The following PAM variants were observed in gnomAD, a reference collection of about 807,000 sequenced individuals.
The protein encoded by PAM is peptidyl-glycine alpha-amidating monooxygenase.
A neutral mutation model predicts 122.1 loss-of-function variants in PAM; 72 were observed. The observed-to-expected ratio is 0.59, with a 90% CI of 0.49 to 0.72. The LOEUF (loss-of-function observed/expected upper bound fraction) is 0.72. PAM is among the 30% of genes least tolerant of loss of function. The pLI is 0.00. For missense variants in PAM, 1,106 were observed against 1,183.7 expected (o/e 0.93, Z 0.96); for synonymous variants, 389 against 404.4 (o/e 0.96, Z 0.46).
At chr5:102,960,704 A>C (rs942714649) in intron 13 of PAM, among the ~76,000 whole-genome samples, 1 of 151,862 alleles carries the variant, frequency 6.6e-6, no homozygotes, top group Non-Finnish European at 1.5e-5. Flanking sequence ...GTTCAGTCTT[A>C]ACACGCTAGA....
intron 1 of PAM, among the ~76,000 whole-genome samples, chr5:102,827,535 T>C (rs1321634166): frequency 6.6e-6 from 1 of 152,230 alleles, no homozygotes; most frequent in East Asian, 1.9e-4. Context: ...TGTTAAAATA[T>C]TCTTACTTTA....
Position 102,948,233 on chromosome 5 carries a change from G to A in PAM, c.576-145G>A, listed in dbSNP as rs143408776. 7.7e-3 allele frequency: 4,088 copies of A among 531,074 alleles called. 24 individuals are homozygous for A. Among genetic ancestry groups the A allele is most frequent in the Non-Finnish European group, 0.012 (3,517 of 291,504 alleles). The allele number at this position is 531,074 out of a possible 1,614,324, so 32.9% of individuals were successfully genotyped here. ...TTCACATGAAAAAGTATTTTTTAAG[G>A]AAGAAAAATTTTTCCTCTTTTTCTA... On this transcript the variant is annotated intron_variant, in intron 8 of 25. Transcript: ENST00000438793.
At chr5:102,891,644 T>C (rs1448499750) in intron 3 of PAM, among the ~76,000 whole-genome samples, 1 of 151,870 alleles carries the variant, frequency 6.6e-6, no homozygotes, top group South Asian at 2.1e-4. Context: ...TAACTTAGAA[T>C]TGAATTGGCT....
chr5:102,863,732 T>C, intron 1 of PAM, among the ~76,000 whole-genome samples: 1 of 151,094 alleles, frequency 6.6e-6, no homozygotes, highest in East Asian at 1.9e-4. Context: ...AAAATTTGAT[T>C]ATTATATGTT....
chr5:102,970,087 T>A (rs1027917644), intron 14 of PAM, among the ~76,000 whole-genome samples: 3 of 152,084 alleles, frequency 2.0e-5, no homozygotes, highest in Non-Finnish European at 4.4e-5. Flanking sequence ...CTATTAGCAT[T>A]GGCAATTAGG....
intron 3 of PAM, among the ~76,000 whole-genome samples, chr5:102,875,401 C>T (rs139993522): frequency 7.6e-4 from 115 of 152,062 alleles, no homozygotes; most frequent in African/African-American, 2.6e-3. Context: ...GCTGTGTTTC[C>T]CAGGCTGGTA....
intron 15 of PAM, among the ~76,000 whole-genome samples, chr5:102,980,765 TC>T (rs1368674123): frequency 2.6e-5 from 4 of 152,168 alleles, no homozygotes; most frequent in African/African-American, 7.2e-5. Flanking sequence ...TCTTTAACTA[TC>T]CTAGAATTTC....
intron 1 of PAM, among the ~76,000 whole-genome samples, chr5:102,762,522 G>C (rs1752635361): frequency 6.6e-6 from 1 of 152,022 alleles, no homozygotes; most frequent in Non-Finnish European, 1.5e-5. Flanking sequence ...AGCAATATTA[G>C]ATTTTTTTTT....
intron 1 of PAM, among the ~76,000 whole-genome samples, chr5:102,862,666 C>G (rs1176375473): frequency 6.6e-6 from 1 of 152,152 alleles, no homozygotes; most frequent in Non-Finnish European, 1.5e-5. Flanking sequence ...ATATTTGTTG[C>G]AACAACAATA....
intron 5 of PAM, among the ~76,000 whole-genome samples, chr5:102,916,795 C>T (rs547051646): frequency 5.4e-5 from 8 of 149,530 alleles, no homozygotes; most frequent in Non-Finnish European, 8.9e-5. Context: ...TGCAGTGGTG[C>T]GATCTCAGCT....
intron 15 of PAM, among the ~76,000 whole-genome samples, chr5:102,980,921 G>A (rs1386650677): frequency 1.3e-5 from 2 of 152,108 alleles, no homozygotes; most frequent in African/African-American, 4.8e-5. Context: ...GTTGCTCATG[G>A]TGTTAGACTT....
At chr5:103,004,098 G>T (rs1778212468) in intron 17 of PAM, among the ~76,000 whole-genome samples, 1 of 152,198 alleles carries the variant, frequency 6.6e-6, no homozygotes, top group Non-Finnish European at 1.5e-5. Context: ...GGGAAAGCTA[G>T]CTTCTTCGCA....
At position 102,974,440 on chromosome 5, in the gene PAM, CG is replaced by C; in HGVS notation, c.1483+5del. On this transcript the variant is annotated splice_donor_5th_base_variant and intron_variant, in intron 15 of 25. Transcript: ENST00000438793. ...TGGGAACCAGAACACACAGGAGGTG[CG>C]TGTAGGGTTTCTTTTAAGCAGTAAA... The C allele has an allele frequency of 6.3e-7, 1 of 1,591,666 alleles. No individual in the cohort carries two copies. Among genetic ancestry groups the C allele is most frequent in the Middle Eastern group, 1.7e-4 (1 of 5,918 alleles).
chr5:102,842,344 A>G (rs528549878), intron 1 of PAM, among the ~76,000 whole-genome samples: 1 of 152,112 alleles, frequency 6.6e-6, no homozygotes, highest in South Asian at 2.1e-4. Context: ...ACCTGGTGGG[A>G]AGTAATTGAA....
chr5:102,990,024 G>A (rs185113184), intron 15 of PAM: 6 of 279,648 alleles, frequency 2.1e-5, no homozygotes, highest in Non-Finnish European at 4.0e-5. Context: ...TGGGTTAGCT[G>A]GCTTTACAGG....
intron 15 of PAM, among the ~76,000 whole-genome samples, chr5:102,988,724 A>G (rs982883746): frequency 0.029 from 4,149 of 144,052 alleles, 167 homozygotes; most frequent in African/African-American, 0.094. Flanking sequence ...AGAAAAGAAA[A>G]AAGGGAAGGA....
intron 15 of PAM, among the ~76,000 whole-genome samples, chr5:102,979,200 C>A (rs1768882829): frequency 6.6e-6 from 1 of 152,070 alleles, no homozygotes; most frequent in Non-Finnish European, 1.5e-5. Context: ...GATTAGTATT[C>A]AGCCAGTTTG....
At chr5:102,831,788 G>A (rs997944167) in intron 1 of PAM, among the ~76,000 whole-genome samples, 9 of 151,952 alleles carry the variant, frequency 5.9e-5, no homozygotes, top group African/African-American at 2.2e-4. Flanking sequence ...TGCTAATGTG[G>A]TACAATTTTT....
At chr5:102,786,493 G>GT (rs1381318484) in intron 1 of PAM, among the ~76,000 whole-genome samples, 6 of 152,092 alleles carry the variant, frequency 3.9e-5, no homozygotes, top group Non-Finnish European at 8.8e-5. Context: ...CAGTTTCTGA[G>GT]TTTTTTAATG....
Sources: gnomAD v4.1 joint callset for allele counts (sites outside exome capture counted in the v4.1 genomes callset) on GRCh38, gnomAD v4.1.1 for gene constraint, MANE v1.5 for transcripts, NCBI Gene and HGNC (gene_info 2026-07-23, HGNC 2026-07-21) for gene names.